Variants in HDAC10 observed in about 807,000 individuals in gnomAD.
HDAC10 encodes polyamine deacetylase HDAC10.
A neutral mutation model predicts 82.3 loss-of-function variants in HDAC10; 90 were observed. The ratio of observed to expected loss-of-function variants is 1.09; its 90% CI spans 0.92 to 1.30. HDAC10 has a LOEUF of 1.30. HDAC10 is among the 50% of genes most tolerant of loss of function. The pLI is 0.00. For synonymous variants in HDAC10, 456 were observed against 391.7 expected (o/e 1.16, Z -1.94); for missense variants, 934 against 876.3 (o/e 1.07, Z -0.83).
In HDAC10 at chr22:50,247,957, C is replaced by T; in HGVS notation, c.1270G>A (p.Val424Ile). The change falls in exon 13 of 20, where the codon GTT becomes ATT. Residue 424 changes from valine (V) to isoleucine (I), a missense_variant. Transcript: ENST00000216271. Reference protein sequence around the residue: ...VALTTPDITLVLPPDVIQQEA... With the variant: ...VALTTPDITLILPPDVIQQEA... The stretch of plus-strand genomic sequence containing the variant: ...TGTTGGATGACGTCAGGGGGCAGAA[C>T]CAATGTGATATCCGGCGTTGTCAGG... The T allele has an allele frequency of 6.2e-7, 1 of 1,612,842 alleles. No homozygotes were observed. Among genetic ancestry groups the T allele is most frequent in the Non-Finnish European group, 8.5e-7 (1 of 1,179,974 alleles).
Position 50,248,697 on chromosome 22 carries a change from C to T in HDAC10, c.871G>A (p.Val291Met). 6.5e-7 allele frequency: 1 copy of T among 1,547,138 alleles called. No homozygotes were observed. Among genetic ancestry groups the T allele is most frequent in the Non-Finnish European group, 8.7e-7 (1 of 1,144,678 alleles). Residue 291 changes from valine to methionine, a missense_variant, in exon 10 of 20, where the codon GTG (valine) becomes ATG (methionine). Transcript: ENST00000216271. This position sits in a 1 kb window ranked among gnomAD's most constrained non-coding sequence, Gnocchi z 5.4. ...GCACAGACCCGGCCGCCGGCCAGCA[C>T]CTGCAGCAGCTGTGTGAGGTGGGCG... ...CFAHLTQLLQ[V>M]LAGGRVCAVL...
At position 50,246,383 on chromosome 22, in the gene HDAC10, G is replaced by A. The variant is rs2064946610; in HGVS notation, c.1572-7C>T. 1.2e-6 allele frequency: 2 copies of A among 1,609,424 alleles called. No individual in the cohort carries two copies. The highest frequency in any genetic ancestry group is 1.7e-5 in the Admixed American group (1 of 59,998). ...GTTCAGCCACAGACTCCTCCTTCCA[G>A]GACACAGGTGCATAAGTGTAAGGCC... is the stretch of plus-strand genomic sequence containing the variant. On this transcript the variant is annotated splice_polypyrimidine_tract_variant and splice_region_variant and intron_variant, in intron 16 of 19. Transcript: ENST00000216271.
chr22:50,250,810 G>C lies in HDAC10; in HGVS notation c.155C>G (p.Ala52Gly). 4 of 1,603,708 alleles carry C rather than the reference G, an allele frequency of 2.5e-6. No homozygotes were observed. The highest frequency in any genetic ancestry group is 3.4e-6 in the Non-Finnish European group (4 of 1,176,454). ...CAGCTCCTCTTCCGAGGCCTCGCGGGCTGACAACCGCAGACACCTCTGTTC... is the reference window on the plus strand; with the variant it reads ...CAGCTCCTCTTCCGAGGCCTCGCGGCCTGACAACCGCAGACACCTCTGTTC... ...GLEQRCLRLS[A>G]REASEEELGL... The change falls in exon 2 of 20, where the codon GCC becomes GGC. Residue 52 changes from alanine to glycine, a missense_variant. By Grantham distance (60) the Ala-to-Gly change is moderately conservative (BLOSUM62 0). Coordinates refer to ENST00000216271, the MANE Select transcript of HDAC10 (RefSeq NM_032019.6).
Position 50,249,676 on chromosome 22 carries a change from G to C in HDAC10, c.522C>G (p.His174Gln), listed in dbSNP as rs1262590879. 1 of 1,612,892 alleles carries C rather than the reference G, an allele frequency of 6.2e-7. No homozygotes were observed. Among genetic ancestry groups the C allele is most frequent in the East Asian group, 2.2e-5 (1 of 44,868 alleles). Reference sequence around the variant, plus strand: ...AGAGATACTGGATCCCCTGGCCATGGTGCACATCCCAGTCCACGACGAGGA... The same window carrying C: ...AGAGATACTGGATCCCCTGGCCATGCTGCACATCCCAGTCCACGACGAGGA... ...HRILVVDWDV[H>Q]HGQGIQYLFE... Residue 174 changes from histidine (H) to glutamine (Q), a missense_variant, in exon 6 of 20, where the codon CAC becomes CAG. By Grantham distance (24) the His-to-Gln change is conservative. Coordinates refer to ENST00000216271, the MANE Select transcript of HDAC10 (RefSeq NM_032019.6). The surrounding 1 kb of genome is among the most constrained non-coding windows in gnomAD (Gnocchi z 4.4).
At chr22:50,247,192 G>T (rs898333008) in intron 14 of HDAC10, 35 of 436,664 alleles carry the variant, frequency 8.0e-5, no homozygotes, top group Admixed American at 2.8e-4. Context: ...AGGCTGGCGT[G>T]CAGTGGCGCA....
Position 50,249,204 on chromosome 22 carries a change from G to T in HDAC10, c.691-36C>A. The T allele has an allele frequency of 6.8e-7, 1 of 1,465,018 alleles. No individual in the cohort carries two copies. Among genetic ancestry groups the T allele is most frequent in the South Asian group, 1.2e-5 (1 of 81,732 alleles). The allele number at this position is 1,465,018 out of a possible 1,614,324, so 90.8% of individuals were successfully genotyped here. A position where few individuals can be genotyped will look rare whatever the true frequency, so the allele number is the denominator to read the frequency against. On this transcript the variant is annotated intron_variant, in intron 7 of 19. Transcript: ENST00000216271. This position sits in a 1 kb window ranked among gnomAD's most constrained non-coding sequence, Gnocchi z 4.4. ...ATCCCAGGCTACATCCTGAACTGTGGGGCAGGGGAGGGGCCCGGGGGAGGG... is the reference window on the plus strand; with the variant it reads ...ATCCCAGGCTACATCCTGAACTGTGTGGCAGGGGAGGGGCCCGGGGGAGGG...
rs1309427383 is a variant in HDAC10 at position 50,249,006 on chromosome 22, G to C, written c.756+97C>G. On this transcript the variant is annotated intron_variant, in intron 8 of 19. Transcript: ENST00000216271. This position sits in a 1 kb window ranked among gnomAD's most constrained non-coding sequence, Gnocchi z 4.4. ...ACCTTCCCCAGCCACACAGGAGTGG[G>C]ACAGCTCATAACCCTCCTCCTGCCT... is the stretch of plus-strand genomic sequence containing the variant. 3 of 1,438,968 alleles carry C rather than the reference G, an allele frequency of 2.1e-6. No individual in the cohort carries two copies. The East Asian group carries it at 7.3e-5, about 35-fold the overall frequency. 89.1% of individuals were successfully genotyped at this position (1,438,968 alleles called of 1,614,324 possible).
At position 50,248,199 on chromosome 22, in the gene HDAC10, G is replaced by T; in HGVS notation, c.1081+26C>A. 1 of 1,606,480 alleles carries T rather than the reference G, an allele frequency of 6.2e-7. No homozygotes were observed. Among genetic ancestry groups the T allele is most frequent in the Non-Finnish European group, 8.5e-7 (1 of 1,176,958 alleles). ...GCACAGGAGCCCGAGGTGGGATCCT[G>T]CAGCCTAGCACCCGGCCACACTGAC... On this transcript the variant is annotated intron_variant, in intron 12 of 19. Transcript: ENST00000216271. This position sits in a 1 kb window ranked among gnomAD's most constrained non-coding sequence, Gnocchi z 5.4.
rs1353645375 is a variant in HDAC10, at chr22:50,249,362, C to A, written c.656G>T (p.Gly219Val). 1.9e-6 allele frequency: 3 copies of A among 1,612,258 alleles called. No homozygotes were observed. Among genetic ancestry groups the A allele is most frequent in the Non-Finnish European group, 2.5e-6 (3 of 1,179,786 alleles). ...GGGCAGGTTGACAGTGAAGCCGAGG[C>A]CCTGTCCCCGCCCCACTGCGTCTGC... is the stretch of plus-strand genomic sequence containing the variant. ...SDADAVGRGQGLGFTVNLPWN... is the reference protein window; with the variant it reads ...SDADAVGRGQVLGFTVNLPWN... The change falls in exon 7 of 20, where the codon GGC becomes GTC. Residue 219 changes from glycine to valine, a missense_variant. Coordinates refer to ENST00000216271, the MANE Select transcript of HDAC10 (RefSeq NM_032019.6). The surrounding 1 kb of genome is among the most constrained non-coding windows in gnomAD (Gnocchi z 4.4).
At chr22:50,250,715 T>C in intron 2 of HDAC10, 56 bp downstream of exon 2, 1 of 1,493,444 alleles carries the variant, frequency 6.7e-7, no homozygotes, top group East Asian at 2.4e-5. Context: ...GGTTCTTAGG[T>C]TTCTAGCTGG....
Position 50,249,023 on chromosome 22 carries a change from C to G in HDAC10, c.756+80G>C. On this transcript the variant is annotated intron_variant, in intron 8 of 19. Coordinates refer to ENST00000216271, the MANE Select transcript of HDAC10 (RefSeq NM_032019.6). The surrounding 1 kb of genome is among the most constrained non-coding windows in gnomAD (Gnocchi z 4.4). ...AGGAGTGGGACAGCTCATAACCCTC[C>G]TCCTGCCTTCACTGGCGCACTCCAG... 1 of 1,451,286 alleles carries G rather than the reference C, an allele frequency of 6.9e-7. No individual in the cohort carries two copies. The highest frequency in any genetic ancestry group is 9.5e-7 in the Non-Finnish European group (1 of 1,054,996). The allele number at this position is 1,451,286 out of a possible 1,614,324, so 89.9% of individuals were successfully genotyped here. A position where few individuals can be genotyped will look rare whatever the true frequency, so the allele number is the denominator to read the frequency against.
Position 50,248,689 on chromosome 22 carries a change from G to A in HDAC10, c.879C>T (p.Ala293=), listed in dbSNP as rs201187046. The change falls in exon 10 of 20, where the codon GCC becomes GCT. Residue 293 remains alanine, a synonymous_variant. Coordinates refer to ENST00000216271, the MANE Select transcript of HDAC10 (RefSeq NM_032019.6). This position sits in a 1 kb window ranked among gnomAD's most constrained non-coding sequence, Gnocchi z 5.4. ...AHLTQLLQVL[A]GGRVCAVLEG... is the part of the protein sequence containing the mutation. ...CCAGCACGGCACAGACCCGGCCGCCGGCCAGCACCTGCAGCAGCTGTGTGA... is the reference window on the plus strand; with the variant it reads ...CCAGCACGGCACAGACCCGGCCGCCAGCCAGCACCTGCAGCAGCTGTGTGA... 21 of 1,536,662 alleles carry A rather than the reference G, an allele frequency of 1.4e-5. No homozygotes were observed. Among genetic ancestry groups the A allele is most frequent in the South Asian group, 2.5e-5 (2 of 80,356 alleles).
chr22:50,250,749 T>TG, intron 2 of HDAC10, 22 bp downstream of exon 2: 5 of 1,551,806 alleles, frequency 3.2e-6, no homozygotes, highest in Non-Finnish European at 3.5e-6. Context: ...CCCCCCATCG[T>TG]GGGGCCTGCC....
chr22:50,246,653 A>C, intron 16 of HDAC10, 26 bp downstream of exon 16: 1 of 1,607,130 alleles, frequency 6.2e-7, no homozygotes, highest in Non-Finnish European at 8.5e-7. Flanking sequence ...GCATGGCTGG[A>C]CATATGCAAG....
Position 50,246,694 on chromosome 22 carries a change from T to A in HDAC10, c.1556A>T (p.Asp519Val). The A allele has an allele frequency of 6.2e-7, 1 of 1,611,448 alleles. No individual in the cohort carries two copies. Among genetic ancestry groups the A allele is most frequent in the South Asian group, 1.1e-5 (1 of 90,996 alleles). ...VALGQLDRPP[D>V]LAHDGRSLWL... ...AGAGTCCTACCCGTCATGGGCGAGG[T>A]CTGGAGGCCGGTCCAGCTGTCCCAG... The change falls in exon 16 of 20, where the codon GAC (aspartate) becomes GTC (valine). Residue 519 changes from aspartate (D) to valine (V), a missense_variant. By Grantham distance (152) the Asp-to-Val change is radical (BLOSUM62 -3). Transcript: ENST00000216271.
At chr22:50,246,432 C>T in intron 16 of HDAC10, 56 bp from the exon 17 acceptor site, 1 of 1,440,372 alleles carries the variant, frequency 6.9e-7, no homozygotes, top group Non-Finnish European at 9.7e-7. Flanking sequence ...TGAGCCCAAA[C>T]CGCAGAGGCA....
chr22:50,247,586 G>C (rs1336902472), intron 14 of HDAC10, 106 bp downstream of exon 14: 2 of 796,284 alleles, frequency 2.5e-6, no homozygotes, highest in Admixed American at 2.4e-5. Context: ...CATCCATGTG[G>C]TTCTGCACCA....
intron 13 of HDAC10, 51 bp downstream of exon 13, chr22:50,247,839 G>A: frequency 1.2e-6 from 2 of 1,612,638 alleles, no homozygotes; most frequent in Non-Finnish European, 8.5e-7. Flanking sequence ...GCACACACAG[G>A]CACAGGTGTA....
chr22:50,245,829 T>C lies in HDAC10; in HGVS notation c.1834-2A>G, dbSNP rs1054475225. The C allele has an allele frequency of 6.4e-7, 1 of 1,567,724 alleles. No homozygotes were observed. Among genetic ancestry groups the C allele is most frequent in the Middle Eastern group, 1.7e-4 (1 of 6,016 alleles). On this transcript the variant is annotated splice_acceptor_variant, in intron 18 of 19. Coordinates refer to ENST00000216271, the MANE Select transcript of HDAC10 (RefSeq NM_032019.6). LOFTEE classifies it high-confidence loss of function. ...CCCTGCTAGCTGGGGTGTGGAGTTC[T>C]GGACCAGGGGCGAAGACGGAAGCAG...
Sources: allele counts gnomAD v4.1 joint callset, GRCh38; gene constraint gnomAD v4.1.1; non-coding constraint Gnocchi (gnomAD v3.1); transcripts MANE v1.5; gene names NCBI Gene and HGNC (gene_info 2026-07-23, HGNC 2026-07-21).